The following COL1A2 variants were observed in gnomAD, a reference collection of about 807,000 sequenced individuals.
The protein encoded by COL1A2 is collagen alpha-2(I) chain.
In COL1A2, 49 loss-of-function variants were observed where a neutral mutation model predicts 174.3. That is an observed-to-expected ratio of 0.28 (90% CI 0.22 to 0.36). The LOEUF is 0.36. Among genes scored for constraint, COL1A2 ranks in the 10% least tolerant of loss-of-function variants. The probability of loss-of-function intolerance (pLI) is 1.00; values close to 1 mark genes in which losing one functional copy is unlikely to be tolerated. For missense variants in COL1A2, 1,438 were observed against 1,822.7 expected, an observed-to-expected ratio of 0.79 and a Z score of 3.84; for synonymous variants, 655 against 606.6, an observed-to-expected ratio of 1.08 and a Z score of -1.17.
intron 23 of COL1A2, 85 bp from the exon 24 acceptor site, chr7:94,411,983 G>T (rs1033367525): frequency 2.1e-5 from 23 of 1,117,838 alleles, no homozygotes; most frequent in African/African-American, 9.3e-5. Context: ...GGGGGAAAAG[G>T]TGCCTTTGTT....
intron 42 of COL1A2, 122 bp from the exon 43 acceptor site, chr7:94,425,488 A>G (rs909995433): frequency 9.3e-7 from 1 of 1,071,266 alleles, no homozygotes; most frequent in Non-Finnish European, 1.4e-6. Context: ...CCTAGTTTTA[A>G]CAGTCTGAAA....
chr7:94,411,191 G>T (rs182033131), intron 23 of COL1A2, 37 bp downstream of exon 23: 1 of 1,434,908 alleles, frequency 7.0e-7, no homozygotes, highest in East Asian at 2.5e-5. Context: ...ATCACACCTG[G>T]CATTACTTCC....
chr7:94,413,190 C>T (rs1434196086), intron 26 of COL1A2, 54 bp downstream of exon 26: 3 of 1,531,072 alleles, frequency 2.0e-6, no homozygotes, highest in South Asian at 1.1e-5. Context: ...CTAAGAACCA[C>T]ACTTTTTTTT....
chr7:94,403,014 C>G (rs1791716805), intron 6 of COL1A2, among the ~76,000 whole-genome samples: 3 of 151,962 alleles, frequency 2.0e-5, no homozygotes, highest in Non-Finnish European at 4.4e-5. Flanking sequence ...TTTCTTTTGG[C>G]TTTGTTTATA....
At chr7:94,408,659 C>G (rs1032331473) in intron 15 of COL1A2, 111 bp from the exon 16 acceptor site, 2 of 1,188,780 alleles carry the variant, frequency 1.7e-6, no homozygotes, top group Non-Finnish European at 2.5e-6. Flanking sequence ...TTTTTCTTTA[C>G]TAATATAAAC....
chr7:94,426,878 C>CT, intron 46 of COL1A2, 130 bp from the exon 47 acceptor site: 1 of 829,506 alleles, frequency 1.2e-6, no homozygotes, highest in South Asian at 1.5e-5. Flanking sequence ...AAGAGCCCCA[C>CT]TTTACATTTT....
At chr7:94,409,446 T>C (rs1562900869) in intron 17 of COL1A2, 26 bp downstream of exon 17, 3 of 1,612,980 alleles carry the variant, frequency 1.9e-6, no homozygotes, top group Admixed American at 3.3e-5. Context: ...CTTTAAACTT[T>C]ATTGAGTAAA....
Position 94,427,359 on chromosome 7 carries a change from A to G in COL1A2, c.3267+64A>G, listed in dbSNP as rs1792300894. ...ACCTAAGGAATGTTTTCTTCAGACT[A>G]AACCAAGACAACTTTGACAACCCAT... On this transcript the variant is annotated intron_variant, in intron 48 of 51. Transcript: ENST00000297268. The G allele has an allele frequency of 1.0e-5, 15 of 1,443,148 alleles. No individual in the cohort carries two copies. In the South Asian group the frequency reaches 1.7e-4, roughly 16 times the overall value. 89.4% of individuals were successfully genotyped at this position (1,443,148 alleles called of 1,614,324 possible).
chr7:94,395,021 A>C lies in COL1A2; in HGVS notation c.-11A>C, dbSNP rs1791553948. On this transcript the variant is annotated 5_prime_UTR_variant, in exon 1 of 52. Transcript: ENST00000297268. ...TGCGACACAAGGAGTCTGCATGTCTAAGTGCTAGACATGCTCAGCTTTGTG... is the reference window on the plus strand; with the variant it reads ...TGCGACACAAGGAGTCTGCATGTCTCAGTGCTAGACATGCTCAGCTTTGTG... 2 of 1,613,122 alleles carry C rather than the reference A, an allele frequency of 1.2e-6. No homozygotes were observed. Among genetic ancestry groups the C allele is most frequent in the East Asian group, 4.5e-5 (2 of 44,870 alleles).
In COL1A2 at chr7:94,419,599, G is replaced by T. The variant is rs762269760; in HGVS notation, c.2079+48G>T. The T allele has an allele frequency of 3.1e-6, 5 of 1,603,764 alleles. No individual in the cohort carries two copies. The South Asian group carries it at 5.5e-5, about 18-fold the overall frequency. On this transcript the variant is annotated intron_variant, in intron 34 of 51. Transcript: ENST00000297268. ...CCAACAGCAATATCTAAAATTTCCC[G>T]CCTTCCCTAGTCCCAAAGAGCCCCA...
chr7:94,425,062 G>A, intron 41 of COL1A2, 55 bp from the exon 42 acceptor site: 1 of 1,511,230 alleles, frequency 6.6e-7, no homozygotes, highest in South Asian at 1.1e-5. Flanking sequence ...TGGAGGGGAA[G>A]GTTAGCATTC....
chr7:94,427,917 T>G (rs1440224535), intron 49 of COL1A2, 32 bp downstream of exon 49: 1 of 1,611,670 alleles, frequency 6.2e-7, no homozygotes, highest in South Asian at 1.1e-5. Context: ...AGACTGACCC[T>G]TCTCACAAGT....
rs113921881 is a variant in COL1A2 at position 94,424,253 on chromosome 7, A to G, written c.2566-83A>G. On this transcript the variant is annotated intron_variant, in intron 40 of 51. Transcript: ENST00000297268. ...ATTAGCCTTTTTCTAAGCTGAAGAC[A>G]GTTTATTCTCACAATCTTCAAGCCA... 1,014 of 1,150,954 alleles carry G rather than the reference A, an allele frequency of 8.8e-4. 8 individuals carry two copies. In the African/African-American group the frequency reaches 0.014, roughly 15 times the overall value. The allele number at this position is 1,150,954 out of a possible 1,614,324, so 71.3% of individuals were successfully genotyped here.
Position 94,404,912 on chromosome 7 carries a change from C to T in COL1A2, c.432+20C>T, listed in dbSNP as rs558845915. Reference sequence around the variant, plus strand: ...GAAGATGTAAGTATTTACTCTTAAGCACTTTCAAAATGCTATTTAAATACT... The same window carrying T: ...GAAGATGTAAGTATTTACTCTTAAGTACTTTCAAAATGCTATTTAAATACT... On this transcript the variant is annotated intron_variant, in intron 9 of 51. Transcript: ENST00000297268. The T allele has an allele frequency of 4.3e-6, 7 of 1,613,314 alleles. No individual in the cohort carries two copies. The highest frequency in any genetic ancestry group is 5.9e-6 in the Non-Finnish European group (7 of 1,179,570).
At position 94,425,856 on chromosome 7, in the gene COL1A2, C is replaced by G; in HGVS notation, c.2942C>G (p.Thr981Ser). Residue 981 changes from threonine (T) to serine (S), a missense_variant and splice_region_variant, in exon 44 of 52, where the codon ACT (threonine) becomes AGT (serine). By Grantham distance (58) the Thr-to-Ser change is moderately conservative. Transcript: ENST00000297268. Reference sequence around the variant, plus strand: ...GGCAAACATGGAAACCGTGGTGAAACTGTAAGTTTGTGAATACCAGTCCCT... The same window carrying G: ...GGCAAACATGGAAACCGTGGTGAAAGTGTAAGTTTGTGAATACCAGTCCCT... ...PAGKHGNRGE[T>S]GPSGPVGPAG... The G allele has an allele frequency of 6.2e-7, 1 of 1,609,360 alleles. No individual in the cohort carries two copies. The highest frequency in any genetic ancestry group is 8.5e-7 in the Non-Finnish European group (1 of 1,177,718).
intron 32 of COL1A2, among the ~76,000 whole-genome samples, chr7:94,418,166 G>A (rs566627765): frequency 3.9e-5 from 6 of 152,252 alleles, no homozygotes; most frequent in East Asian, 1.9e-4. Flanking sequence ...TAGTTATGCC[G>A]TAAGAGTGAT....
chr7:94,420,336 G>T (rs1192233858), intron 35 of COL1A2, 50 bp downstream of exon 35: 1 of 1,613,884 alleles, frequency 6.2e-7, no homozygotes. Context: ...ACAATGTTTA[G>T]ACATTGATGA....
intron 33 of COL1A2, 61 bp from the exon 34 acceptor site, chr7:94,419,437 A>G: frequency 6.4e-7 from 1 of 1,572,752 alleles, no homozygotes; most frequent in South Asian, 1.1e-5. Flanking sequence ...AAAGAATGAC[A>G]AGGTTCACTT....
chr7:94,412,801 A>G, intron 25 of COL1A2, 119 bp downstream of exon 25: 1 of 884,850 alleles, frequency 1.1e-6, no homozygotes, highest in Non-Finnish European at 1.9e-6. Flanking sequence ...CAACACAGGA[A>G]AACTGCAGGC....
Sources: gnomAD v4.1 joint callset for allele counts (sites outside exome capture counted in the v4.1 genomes callset) on GRCh38, gnomAD v4.1.1 for gene constraint, MANE v1.5 for transcripts, NCBI Gene and HGNC (gene_info 2026-07-23, HGNC 2026-07-21) for gene names.